The following TPTE2 variants were observed in gnomAD, a reference collection of about 807,000 sequenced individuals.
The protein encoded by TPTE2 is transmembrane phosphoinositide 3-phosphatase and tensin homolog 2.
TPTE2 carries 53 observed loss-of-function variants against 78.6 expected under a neutral mutation model. The ratio of observed to expected loss-of-function variants is 0.67; its 90% CI spans 0.54 to 0.85. The LOEUF (loss-of-function observed/expected upper bound fraction) is 0.85, where lower values mean the gene tolerates loss of function less well. Ranked by LOEUF, TPTE2 falls within the 40% of genes least tolerant of loss-of-function variation. The pLI, the probability that TPTE2 is intolerant of heterozygous loss-of-function variation, is 0.00. For missense variants in TPTE2, 461 were observed against 623.0 expected (o/e 0.74, Z 2.77); for synonymous variants, 175 against 206.2 (o/e 0.85, Z 1.30).
At chr13:19,510,940 T>C (rs1251799569) in intron 1 of TPTE2, among the ~76,000 whole-genome samples, 1 of 152,230 alleles carries the variant, frequency 6.6e-6, no homozygotes, top group East Asian at 1.9e-4. Context: ...ATTAGATTGA[T>C]TATATAAATT....
intron 3 of TPTE2, among the ~76,000 whole-genome samples, chr13:19,488,240 A>T (rs990393106): frequency 6.6e-6 from 1 of 152,204 alleles, no homozygotes; most frequent in Non-Finnish European, 1.5e-5. Context: ...TGCTTGATTT[A>T]GCATAATTCG....
chr13:19,434,818 A>G (rs546356695), intron 15 of TPTE2, among the ~76,000 whole-genome samples: 46 of 152,326 alleles, frequency 3.0e-4, no homozygotes, highest in African/African-American at 1.1e-3. Context: ...TTCAGGGGCA[A>G]TATAGAAAAG....
At chr13:19,437,639 G>A (rs1485082680) in intron 14 of TPTE2, among the ~76,000 whole-genome samples, 1 of 152,118 alleles carries the variant, frequency 6.6e-6, no homozygotes, top group Non-Finnish European at 1.5e-5. Context: ...AATAAGAGCA[G>A]GGCCAGGTGA....
chr13:19,554,974 C>T, the TPTE2 span, among the ~76,000 whole-genome samples: 1 of 152,200 alleles, frequency 6.6e-6, no homozygotes, highest in Non-Finnish European at 1.5e-5. Flanking sequence ...TGGTCACTGA[C>T]TGACCTATGC....
exon 20 of TPTE2, chr13:19,423,026 A>AT (rs1566031564): frequency 1.2e-6 from 2 of 1,608,288 alleles, no homozygotes; most frequent in Non-Finnish European, 1.7e-6. Flanking sequence ...AGGGGGAGCT[A>AT]TACTTAGTCG....
intron 10 of TPTE2, chr13:19,458,331 C>CTAT: frequency 3.7e-6 from 1 of 269,410 alleles, no homozygotes; most frequent in Non-Finnish European, 7.5e-6. Flanking sequence ...TCTATTATAT[C>CTAT]ATAGGACACA....
At chr13:19,507,342 A>G (rs1003634502), upstream of TPTE2, among the ~76,000 whole-genome samples, 7 of 146,472 alleles carry the variant, frequency 4.8e-5, no homozygotes, top group Non-Finnish European at 1.0e-4. Flanking sequence ...CAATTTAGCC[A>G]TTTGGAAACA....
Position 19,451,313 on chromosome 13 carries a change from T to C in TPTE2, c.742-88A>G, listed in dbSNP as rs1878170464. The stretch of plus-strand genomic sequence containing the variant: ...GGGAACCTAAAATGGTTATTACTTT[T>C]ATTAATTTGTCTCTCACTAGCATCT... On this transcript the variant is annotated intron_variant, in intron 10 of 19. Coordinates refer to ENST00000400230, the Ensembl canonical transcript of TPTE2. The C allele has an allele frequency of 3.9e-6, 6 of 1,536,450 alleles. No homozygotes were observed. The Admixed American group carries it at 8.7e-5, about 22-fold the overall frequency.
chr13:19,524,266 C>CA (rs1421457733), intron 1 of TPTE2, among the ~76,000 whole-genome samples: 1 of 152,166 alleles, frequency 6.6e-6, no homozygotes, highest in Non-Finnish European at 1.5e-5. Flanking sequence ...AGTCTGCAGG[C>CA]AGTAGATTTT....
At chr13:19,428,239 G>A (rs1490101476) in intron 17 of TPTE2, among the ~76,000 whole-genome samples, 9 of 152,082 alleles carry the variant, frequency 5.9e-5, no homozygotes, top group South Asian at 2.1e-4. Context: ...ACCTGAGGTC[G>A]GGAGTTTGAG....
intron 5 of TPTE2, among the ~76,000 whole-genome samples, chr13:19,475,030 A>G (rs1453149374): frequency 6.6e-6 from 1 of 152,178 alleles, no homozygotes; most frequent in Non-Finnish European, 1.5e-5. Context: ...GGCAAAAGCC[A>G]TTTATTTGCA....
intron 1 of TPTE2, among the ~76,000 whole-genome samples, chr13:19,510,936 T>C (rs978785660): frequency 8.5e-5 from 13 of 152,322 alleles, no homozygotes; most frequent in East Asian, 3.9e-4. Context: ...ATCTATTAGA[T>C]TGATTATATA....
chr13:19,541,640 T>C (rs942281367), upstream of TPTE2, among the ~76,000 whole-genome samples: 2 of 152,244 alleles, frequency 1.3e-5, no homozygotes, highest in Non-Finnish European at 2.9e-5. Flanking sequence ...TTCTAAGATT[T>C]ATTTTTTAAA....
At chr13:19,550,295 T>C in the TPTE2 span, among the ~76,000 whole-genome samples, 3 of 152,248 alleles carry the variant, frequency 2.0e-5, no homozygotes, top group Non-Finnish European at 4.4e-5. Flanking sequence ...AAATTTAAGA[T>C]AAATTCCGTT....
intron 1 of TPTE2, among the ~76,000 whole-genome samples, chr13:19,499,970 C>G (rs1191694074): frequency 6.9e-6 from 1 of 144,760 alleles, no homozygotes; most frequent in Non-Finnish European, 1.5e-5. Context: ...AAGGGGATAT[C>G]ACCACCAATC....
At chr13:19,478,755 C>A (rs1880130238) in intron 4 of TPTE2, among the ~76,000 whole-genome samples, 1 of 151,976 alleles carries the variant, frequency 6.6e-6, no homozygotes, top group Non-Finnish European at 1.5e-5. Flanking sequence ...GACTTGGAAC[C>A]AAGCCAAATG....
At chr13:19,477,930 G>A (rs992626132) in intron 4 of TPTE2, among the ~76,000 whole-genome samples, 3 of 152,132 alleles carry the variant, frequency 2.0e-5, no homozygotes, top group Non-Finnish European at 2.9e-5. Context: ...GAAGCAACAC[G>A]AAGCATAGCC....
At chr13:19,545,832 T>C in the TPTE2 span, among the ~76,000 whole-genome samples, 1 of 152,246 alleles carries the variant, frequency 6.6e-6, no homozygotes, top group South Asian at 2.1e-4. Context: ...CAGGAACTCA[T>C]ACCTATCTCT....
chr13:19,500,738 C>T (rs1456888977), intron 1 of TPTE2, among the ~76,000 whole-genome samples: 1 of 149,286 alleles, frequency 6.7e-6, no homozygotes, highest in Non-Finnish European at 1.5e-5. Flanking sequence ...TGAAAACTGG[C>T]ACAAGACAGG....
Sources: allele counts gnomAD v4.1 joint callset (sites outside exome capture counted in the v4.1 genomes callset), GRCh38; gene constraint gnomAD v4.1.1; transcripts MANE v1.5; gene names NCBI Gene and HGNC (gene_info 2026-07-23, HGNC 2026-07-21).